ELOVL4: variants seen among roughly 807,000 people sequenced by gnomAD.
ELOVL4 encodes ELOVL fatty acid elongase 4, also known as very long chain fatty acid elongase 4.
In ELOVL4, 18 loss-of-function variants were observed where a neutral mutation model predicts 42.1. The observed-to-expected ratio is 0.43, with a 90% CI of 0.30 to 0.63. The LOEUF (loss-of-function observed/expected upper bound fraction) is 0.63, where lower values mean the gene tolerates loss of function less well. Among genes scored for constraint, ELOVL4 ranks in the 30% least tolerant of loss-of-function variants. The pLI is 0.15. For synonymous variants in ELOVL4, 117 were observed against 127.0 expected (o/e 0.92, Z 0.53); for missense variants, 299 against 376.2 (o/e 0.79, Z 1.70).
At chr6:79,921,947 T>C (rs1444258619) in intron 3 of ELOVL4, 151 bp from the exon 4 acceptor site, 3 of 741,824 alleles carry the variant, frequency 4.0e-6, no homozygotes, top group Middle Eastern at 7.5e-4. Flanking sequence ...TTGAAAAACC[T>C]AAGCATCTCT....
intron 1 of ELOVL4, among the ~76,000 whole-genome samples, chr6:79,936,842 T>G (rs1200594501): frequency 2.0e-5 from 3 of 152,058 alleles, no homozygotes; most frequent in Non-Finnish European, 4.4e-5. Flanking sequence ...TGAGACACAC[T>G]CTAGAAACAA....
rs751550945 is a variant in ELOVL4, at chr6:79,943,831, C to T, written c.100+3349G>A. On this transcript the variant is annotated intron_variant, in intron 1 of 5. Coordinates refer to ENST00000369816, the MANE Select transcript of ELOVL4 (RefSeq NM_022726.4). The stretch of plus-strand genomic sequence containing the variant: ...CCTCCCTCTTCCTGTACCACTCATC[C>T]CTTCTTTCTGACCCCTCCAAAGTTA... Among the ~76,000 whole-genome samples, 6 of 152,194 alleles carry T rather than the reference C, an allele frequency of 3.9e-5. No individual in the cohort carries two copies. The South Asian group carries it at 6.2e-4, about 16-fold the overall frequency.
At position 79,947,087 on chromosome 6, in the gene ELOVL4, G is replaced by A. The variant is rs538277895; in HGVS notation, c.100+93C>T. 7.8e-4 allele frequency: 800 copies of A among 1,031,408 alleles called. 8 individuals are homozygous for A. The highest frequency in any genetic ancestry group is 2.4e-4 in the Non-Finnish European group (162 of 680,714). The allele number at this position is 1,031,408 out of a possible 1,614,324, so 63.9% of individuals were successfully genotyped here. Reference sequence around the variant, plus strand: ...AGCATCCGAAAGCCGCAGGGCGCGGGGGCCTGTGGGGCCGGGCCCGGGAGC... The same window carrying A: ...AGCATCCGAAAGCCGCAGGGCGCGGAGGCCTGTGGGGCCGGGCCCGGGAGC... On this transcript the variant is annotated intron_variant, in intron 1 of 5. Transcript: ENST00000369816.
At chr6:79,930,500 G>C (rs1774424659) in intron 1 of ELOVL4, among the ~76,000 whole-genome samples, 1 of 152,094 alleles carries the variant, frequency 6.6e-6, no homozygotes. Flanking sequence ...TTTTCTGCAT[G>C]TATTTGCATT....
chr6:79,943,948 G>A (rs1303344643), intron 1 of ELOVL4, among the ~76,000 whole-genome samples: 3 of 152,086 alleles, frequency 2.0e-5, no homozygotes, highest in African/African-American at 7.2e-5. Flanking sequence ...TGCGAAAAGA[G>A]GGCCAATGCC....
rs1774157061 is a variant in ELOVL4, at chr6:79,916,197, A to T, written c.*411T>A. 5.2e-6 allele frequency: 1 copy of T among 192,342 alleles called. No individual in the cohort carries two copies. Among genetic ancestry groups the T allele is most frequent in the South Asian group, 1.0e-4 (1 of 10,032 alleles). The allele number at this position is 192,342 out of a possible 1,614,324, so 11.9% of individuals were successfully genotyped here. A position where few individuals can be genotyped will look rare whatever the true frequency, so the allele number is the denominator to read the frequency against. On this transcript the variant is annotated 3_prime_UTR_variant, in exon 6 of 6. Transcript: ENST00000369816. ...AAGAAAATGTAACACCACTGATTTCAGTCAGTAGATAAGATAATTAGTAAT... is the reference window on the plus strand; with the variant it reads ...AAGAAAATGTAACACCACTGATTTCTGTCAGTAGATAAGATAATTAGTAAT...
intron 1 of ELOVL4, among the ~76,000 whole-genome samples, chr6:79,928,296 CT>C (rs1283253419): frequency 6.6e-6 from 1 of 152,098 alleles, no homozygotes; most frequent in African/African-American, 2.4e-5. Context: ...TAATGCCATA[CT>C]CCATGTAACA....
At chr6:79,930,063 C>G (rs1392800249) in intron 1 of ELOVL4, among the ~76,000 whole-genome samples, 1 of 152,150 alleles carries the variant, frequency 6.6e-6, no homozygotes, top group African/African-American at 2.4e-5. Flanking sequence ...TTCCCAGATC[C>G]TCCTCTATGC....
chr6:79,931,850 G>C (rs1233216984), intron 1 of ELOVL4, among the ~76,000 whole-genome samples: 2 of 152,164 alleles, frequency 1.3e-5, no homozygotes. Flanking sequence ...TCTAACCAGT[G>C]GGTCTTTCCC....
intron 1 of ELOVL4, among the ~76,000 whole-genome samples, chr6:79,944,647 C>T (rs1774705851): frequency 6.6e-6 from 1 of 152,080 alleles, no homozygotes; most frequent in East Asian, 1.9e-4. Flanking sequence ...ATATTTAAAG[C>T]ACCATTTGAT....
chr6:79,924,889 C>T (rs766164866), intron 3 of ELOVL4, 63 bp downstream of exon 3: 3 of 984,988 alleles, frequency 3.0e-6, no homozygotes, highest in East Asian at 2.4e-5. Flanking sequence ...TATATTTTCA[C>T]AGACTGGGGC....
chr6:79,930,732 C>T (rs1417928944), intron 1 of ELOVL4, among the ~76,000 whole-genome samples: 1 of 151,990 alleles, frequency 6.6e-6, no homozygotes, highest in Non-Finnish European at 1.5e-5. Context: ...TTTATGTAAA[C>T]TTTAAATATA....
intron 1 of ELOVL4, among the ~76,000 whole-genome samples, chr6:79,946,566 T>C (rs897527279): frequency 1.3e-5 from 2 of 152,200 alleles, no homozygotes; most frequent in Non-Finnish European, 2.9e-5. Context: ...ACTTCAAACA[T>C]ATTTGCTGTT....
At chr6:79,935,342 G>A (rs1774525148) in intron 1 of ELOVL4, among the ~76,000 whole-genome samples, 1 of 151,868 alleles carries the variant, frequency 6.6e-6, no homozygotes, top group South Asian at 2.1e-4. Flanking sequence ...AGCTAATAAA[G>A]TTTTACTATA....
chr6:79,919,374 A>G (rs766079811), intron 5 of ELOVL4, 46 bp downstream of exon 5: 94 of 1,603,870 alleles, frequency 5.9e-5, no homozygotes, highest in Non-Finnish European at 7.5e-5. Context: ...AAATTTAAAC[A>G]ATTTCAGTAT....
intron 1 of ELOVL4, 30 bp downstream of exon 1, chr6:79,947,150 G>C (rs538170829): frequency 1.3e-6 from 2 of 1,584,126 alleles, no homozygotes; most frequent in South Asian, 2.2e-5. Context: ...GCGGGGGACC[G>C]AGCGAGGATG....
intron 1 of ELOVL4, among the ~76,000 whole-genome samples, chr6:79,932,542 A>T (rs1774465770): frequency 7.1e-6 from 1 of 140,780 alleles, no homozygotes; most frequent in Non-Finnish European, 1.5e-5. Context: ...AGAGAGAGAG[A>T]CTCCTTCTCA....
At chr6:79,919,081 G>GA (rs1360891766) in intron 5 of ELOVL4, among the ~76,000 whole-genome samples, 3 of 146,780 alleles carry the variant, frequency 2.0e-5, no homozygotes, top group South Asian at 2.2e-4. Flanking sequence ...CACCTGTAGG[G>GA]AAAAAATACA....
At position 79,923,714 on chromosome 6, in the gene ELOVL4, A is replaced by G. The variant is rs78649427; in HGVS notation, c.369+1238T>C. On this transcript the variant is annotated intron_variant, in intron 3 of 5. Coordinates refer to ENST00000369816, the MANE Select transcript of ELOVL4 (RefSeq NM_022726.4). ...ACTAAAATGCCAGCCCCACAAAGGCAGGGCTTTTCACCCCTGTCCCCAGTA... is the reference window on the plus strand; with the variant it reads ...ACTAAAATGCCAGCCCCACAAAGGCGGGGCTTTTCACCCCTGTCCCCAGTA... 1.1e-3 allele frequency among the ~76,000 whole-genome samples: 167 copies of G among 152,330 alleles called. 4 individuals carry two copies. In the East Asian group the frequency reaches 0.028, roughly 26 times the overall value.
Sources: allele counts gnomAD v4.1 joint callset (sites outside exome capture counted in the v4.1 genomes callset), GRCh38; gene constraint gnomAD v4.1.1; transcripts MANE v1.5; gene names NCBI Gene and HGNC (gene_info 2026-07-23, HGNC 2026-07-21).